Variants in CADPS2 observed in about 807,000 individuals in gnomAD.
CADPS2 encodes calcium dependent secretion activator 2.
In CADPS2, 93 loss-of-function variants were observed where a neutral mutation model predicts 172.5. The ratio of observed to expected loss-of-function variants is 0.54; its 90% CI spans 0.46 to 0.64. The LOEUF (loss-of-function observed/expected upper bound fraction) is 0.64. Ranked by LOEUF, CADPS2 falls within the 30% of genes least tolerant of loss-of-function variation. The pLI, the probability that CADPS2 is intolerant of heterozygous loss-of-function variation, is 0.00. For missense variants in CADPS2, 1,420 were observed against 1,565.9 expected (o/e 0.91, Z 1.57); for synonymous variants, 546 against 555.2 (o/e 0.98, Z 0.23).
intron 2 of CADPS2, among the ~76,000 whole-genome samples, chr7:122,735,025 A>G (rs2092045732): frequency 6.6e-6 from 1 of 152,156 alleles, no homozygotes; most frequent in South Asian, 2.1e-4. Context: ...CAATCCACCA[A>G]TTCTAAGAGA....
At chr7:122,732,994 A>C (rs962189733) in intron 2 of CADPS2, among the ~76,000 whole-genome samples, 1 of 150,246 alleles carries the variant, frequency 6.7e-6, no homozygotes, top group Non-Finnish European at 1.5e-5. Context: ...AAATGAGCAA[A>C]TTACCACTTA....
At chr7:122,771,609 G>C (rs1202413738) in intron 1 of CADPS2, among the ~76,000 whole-genome samples, 4 of 152,172 alleles carry the variant, frequency 2.6e-5, no homozygotes, top group Non-Finnish European at 5.9e-5. Flanking sequence ...GGATACAATG[G>C]GAGTAGAAAG....
chr7:122,745,534 T>C (rs1468474688), intron 1 of CADPS2, among the ~76,000 whole-genome samples: 2 of 151,564 alleles, frequency 1.3e-5, no homozygotes. Context: ...CTTGTAGGCA[T>C]TTATTTGCTT....
intron 14 of CADPS2, among the ~76,000 whole-genome samples, chr7:122,462,484 TACTTTTATTA>T (rs1475452631): frequency 6.6e-6 from 1 of 152,200 alleles, no homozygotes; most frequent in Non-Finnish European, 1.5e-5. Context: ...GAAATGGATT[TACTTTTATTA>T]ACATGTGATT....
intron 3 of CADPS2, among the ~76,000 whole-genome samples, chr7:122,631,368 C>T (rs1056963644): frequency 2.0e-5 from 3 of 152,154 alleles, no homozygotes; most frequent in Non-Finnish European, 2.9e-5. Context: ...ACAGCTCTTA[C>T]TTAAGTGTAA....
At chr7:122,422,250 T>A (rs1244800972) in intron 17 of CADPS2, among the ~76,000 whole-genome samples, 1 of 152,212 alleles carries the variant, frequency 6.6e-6, no homozygotes, top group East Asian at 1.9e-4. Context: ...CTCTCTGAAG[T>A]GAGGCCCAAA....
At chr7:122,373,088 T>C (rs998634831) in intron 25 of CADPS2, among the ~76,000 whole-genome samples, 4 of 152,230 alleles carry the variant, frequency 2.6e-5, no homozygotes, top group African/African-American at 9.6e-5. Flanking sequence ...ACAGTTACAG[T>C]GGCAGTTTCA....
At chr7:122,519,084 T>C (rs1426149233) in intron 8 of CADPS2, among the ~76,000 whole-genome samples, 3 of 151,486 alleles carry the variant, frequency 2.0e-5, no homozygotes, top group Non-Finnish European at 4.4e-5. Flanking sequence ...CAAATGGCCC[T>C]GGGTTGGGGC....
At chr7:122,464,998 T>C (rs1025827290) in intron 14 of CADPS2, among the ~76,000 whole-genome samples, 2 of 152,182 alleles carry the variant, frequency 1.3e-5, no homozygotes, top group African/African-American at 2.4e-5. Flanking sequence ...TAGTAACTTT[T>C]CTGTAATCTA....
intron 4 of CADPS2, among the ~76,000 whole-genome samples, chr7:122,622,656 A>G (rs1324308925): frequency 6.6e-6 from 1 of 152,154 alleles, no homozygotes; most frequent in African/African-American, 2.4e-5. Flanking sequence ...TTCTCTCTTA[A>G]AGACAGAGGG....
At chr7:122,875,694 T>C (rs1821026566) in intron 1 of CADPS2, among the ~76,000 whole-genome samples, 1 of 152,170 alleles carries the variant, frequency 6.6e-6, no homozygotes, top group Non-Finnish European at 1.5e-5. Flanking sequence ...TGATTAAATA[T>C]GTAAATACTG....
At chr7:122,425,856 A>G (rs1304122890) in intron 17 of CADPS2, 2 of 152,148 alleles carry the variant, frequency 1.3e-5, no homozygotes, top group African/African-American at 4.8e-5. Context: ...CTTACCTAAT[A>G]CATTCTTTCC....
intron 29 of CADPS2, among the ~76,000 whole-genome samples, chr7:122,321,683 T>C (rs1342750278): frequency 6.6e-6 from 1 of 152,060 alleles, no homozygotes; most frequent in Non-Finnish European, 1.5e-5. Context: ...TTTCACTCTA[T>C]CGGCCAGACT....
intron 1 of CADPS2, among the ~76,000 whole-genome samples, chr7:122,803,853 C>T (rs1287569425): frequency 6.6e-6 from 1 of 151,632 alleles, no homozygotes; most frequent in Non-Finnish European, 1.5e-5. Flanking sequence ...TTTCCTAATA[C>T]ACATCTTATA....
At chr7:122,444,113 T>C (rs1230887883) in intron 15 of CADPS2, among the ~76,000 whole-genome samples, 1 of 152,182 alleles carries the variant, frequency 6.6e-6, no homozygotes, top group Non-Finnish European at 1.5e-5. Flanking sequence ...TTAGCATAGT[T>C]ATCTTGATAT....
intron 6 of CADPS2, among the ~76,000 whole-genome samples, chr7:122,590,026 G>A (rs189753346): frequency 9.9e-4 from 151 of 151,962 alleles, no homozygotes; most frequent in African/African-American, 3.0e-3. Flanking sequence ...TATTTAAGAT[G>A]TTTGCACTAT....
intron 12 of CADPS2, among the ~76,000 whole-genome samples, chr7:122,480,616 C>T (rs574663122): frequency 6.8e-4 from 103 of 152,220 alleles, no homozygotes; most frequent in Non-Finnish European, 1.3e-3. Flanking sequence ...GTTATTACAA[C>T]ACATTCGTGG....
At chr7:122,802,236 G>T (rs1326044226) in intron 1 of CADPS2, among the ~76,000 whole-genome samples, 1 of 152,018 alleles carries the variant, frequency 6.6e-6, no homozygotes, top group Non-Finnish European at 1.5e-5. Context: ...ACCCAAAAAA[G>T]CTCAGCTCTT....
At chr7:122,430,464 T>A (rs2049756970) in intron 17 of CADPS2, among the ~76,000 whole-genome samples, 1 of 152,186 alleles carries the variant, frequency 6.6e-6, no homozygotes, top group African/African-American at 2.4e-5. Flanking sequence ...CTAATTTGCA[T>A]CAACAAGGCA....
Sources: allele counts gnomAD v4.1 joint callset (sites outside exome capture counted in the v4.1 genomes callset), GRCh38; gene constraint gnomAD v4.1.1; transcripts MANE v1.5; gene names NCBI Gene and HGNC (gene_info 2026-07-23, HGNC 2026-07-21).